PRTFDC1: variants seen among roughly 807,000 people sequenced by gnomAD.
PRTFDC1 encodes the protein phosphoribosyl transferase domain containing 1.
A neutral mutation model predicts 34.6 loss-of-function variants in PRTFDC1; 38 were observed. The ratio of observed to expected loss-of-function variants is 1.10; its 90% confidence interval spans 0.85 to 1.44. PRTFDC1 has a LOEUF of 1.44. PRTFDC1 is among the 40% of genes most tolerant of loss of function. The pLI is 0.00. For missense variants in PRTFDC1, 270 were observed against 283.0 expected, an observed-to-expected ratio of 0.95 and a Z score of 0.33; for synonymous variants, 93 against 98.1, an observed-to-expected ratio of 0.95 and a Z score of 0.31.
At chr10:24,940,556 A>G (rs1849139166) in intron 2 of PRTFDC1, among the ~76,000 whole-genome samples, 1 of 152,350 alleles carries the variant, frequency 6.6e-6, no homozygotes, top group East Asian at 1.9e-4. Context: ...GACAATATTC[A>G]ATGTTGGCAA....
At chr10:24,877,313 C>A (rs571154911) in intron 3 of PRTFDC1, among the ~76,000 whole-genome samples, 1 of 151,878 alleles carries the variant, frequency 6.6e-6, no homozygotes, top group African/African-American at 2.4e-5. Flanking sequence ...GGATTATGGC[C>A]GTGAGCCATC....
At position 24,849,460 on chromosome 10, in the gene PRTFDC1, C is replaced by T. The variant is rs530040495; in HGVS notation, c.*384G>A. ...GCTTCTTAATATTGTAAGCTTATTA[C>T]CAAAATAAGAGTATAAAAAGTTAAG... is the stretch of plus-strand genomic sequence containing the variant. On this transcript the variant is annotated 3_prime_UTR_variant, in exon 9 of 9. Transcript: ENST00000320152. 10 of 161,768 alleles carry T rather than the reference C, an allele frequency of 6.2e-5. No individual in the cohort carries two copies. Among genetic ancestry groups the T allele is most frequent in the Non-Finnish European group, 1.3e-4 (10 of 74,752 alleles). 10.0% of individuals were successfully genotyped at this position (161,768 alleles called of 1,614,324 possible).
chr10:24,911,456 T>C (rs1848625436), intron 3 of PRTFDC1, among the ~76,000 whole-genome samples: 1 of 152,248 alleles, frequency 6.6e-6, no homozygotes, highest in African/African-American at 2.4e-5. Context: ...ACACCATTCA[T>C]GGACGTACCA....
intron 4 of PRTFDC1, among the ~76,000 whole-genome samples, chr10:24,863,999 GCAA>G (rs986775571): frequency 1.4e-4 from 17 of 121,962 alleles, no homozygotes; most frequent in Admixed American, 1.1e-3. Flanking sequence ...CAGCGACAGA[GCAA>G]CAACTCGTCT....
chr10:24,886,931 T>C (rs999879288), intron 3 of PRTFDC1, among the ~76,000 whole-genome samples: 4 of 151,294 alleles, frequency 2.6e-5, no homozygotes, highest in African/African-American at 7.3e-5. Context: ...GTATTTTACA[T>C]CTTTGTATCT....
At chr10:24,934,636 A>G (rs1029073577) in intron 3 of PRTFDC1, among the ~76,000 whole-genome samples, 6 of 152,218 alleles carry the variant, frequency 3.9e-5, no homozygotes, top group South Asian at 4.1e-4. Context: ...CCAATTGCCA[A>G]TCAGAACTTC....
chr10:24,882,840 A>G (rs1346392262), intron 3 of PRTFDC1, among the ~76,000 whole-genome samples: 1 of 150,872 alleles, frequency 6.6e-6, no homozygotes, highest in Non-Finnish European at 1.5e-5. Context: ...TAAAAAAAGT[A>G]AAAAAAAATC....
At chr10:24,885,488 C>T (rs1159887520) in intron 3 of PRTFDC1, among the ~76,000 whole-genome samples, 1 of 152,218 alleles carries the variant, frequency 6.6e-6, no homozygotes, top group East Asian at 1.9e-4. Flanking sequence ...TCACAGCAAC[C>T]TCCGCCTCCC....
chr10:24,908,177 G>GGA, intron 3 of PRTFDC1: 2 of 233,968 alleles, frequency 8.5e-6, no homozygotes, highest in South Asian at 8.9e-5. Flanking sequence ...AGGGCCTGGG[G>GGA]CTACATCATA....
chr10:24,850,265 T>C (rs1286430036), intron 8 of PRTFDC1, among the ~76,000 whole-genome samples: 1 of 152,202 alleles, frequency 6.6e-6, no homozygotes, highest in Non-Finnish European at 1.5e-5. Context: ...CAACCCTTTT[T>C]GGGCAACAAG....
At chr10:24,898,296 A>AAAC (rs1394989358) in intron 3 of PRTFDC1, among the ~76,000 whole-genome samples, 2 of 150,690 alleles carry the variant, frequency 1.3e-5, no homozygotes, top group Admixed American at 6.6e-5. Context: ...CAAAAAAAAA[A>AAAC]AAAAAAAAAA....
Position 24,952,511 on chromosome 10 carries a change from A to G in PRTFDC1, c.48+17T>C, listed in dbSNP as rs1403120551. 17 of 1,581,260 alleles carry G rather than the reference A, an allele frequency of 1.1e-5. No individual in the cohort carries two copies. Among genetic ancestry groups the G allele is most frequent in the Non-Finnish European group, 1.4e-5 (16 of 1,162,898 alleles). ...AGGGGAGCGGGCCGAGCCCCAAAAT[A>G]GGGAGTTTGCATTTACCACGACGCC... On this transcript the variant is annotated intron_variant, in intron 1 of 8. Transcript: ENST00000320152. This position sits in a 1 kb window ranked among gnomAD's most constrained non-coding sequence, Gnocchi z 5.1.
At chr10:24,923,043 T>G (rs550780578) in intron 3 of PRTFDC1, among the ~76,000 whole-genome samples, 1 of 152,346 alleles carries the variant, frequency 6.6e-6, no homozygotes, top group Admixed American at 6.5e-5. Flanking sequence ...CCTTGCTCAC[T>G]GCTAGCACAG....
intron 3 of PRTFDC1, among the ~76,000 whole-genome samples, chr10:24,923,099 T>C (rs886880729): frequency 4.6e-5 from 7 of 151,714 alleles, no homozygotes; most frequent in African/African-American, 1.7e-4. Flanking sequence ...AGTGGGAGGG[T>C]CGTCCACCAT....
chr10:24,925,569 G>A (rs991573697), intron 3 of PRTFDC1, among the ~76,000 whole-genome samples: 4 of 152,082 alleles, frequency 2.6e-5, no homozygotes, highest in Admixed American at 1.3e-4. Flanking sequence ...CATATTTTTT[G>A]TATATATACA....
Position 24,859,466 on chromosome 10 carries a change from G to T in PRTFDC1, c.406-1057C>A, listed in dbSNP as rs150208174. Among the ~76,000 whole-genome samples the T allele has an allele frequency of 7.0e-4, 106 of 152,238 alleles. 2 individuals carry two copies. The East Asian group carries it at 0.019, about 27-fold the overall frequency. ...GTAGAGATGGAGTTTTACCATGTTG[G>T]CCAGGCTGAGCTCAAGTGATCTGCC... On this transcript the variant is annotated intron_variant, in intron 4 of 8. Transcript: ENST00000320152.
chr10:24,937,874 AAAG>A (rs1188249473), intron 2 of PRTFDC1, among the ~76,000 whole-genome samples: 1 of 152,064 alleles, frequency 6.6e-6, no homozygotes, highest in Non-Finnish European at 1.5e-5. Flanking sequence ...ACTGAATTCT[AAAG>A]AAGACACACG....
intron 3 of PRTFDC1, among the ~76,000 whole-genome samples, chr10:24,933,691 CA>C (rs1588621548): frequency 7.7e-6 from 1 of 129,410 alleles, no homozygotes; most frequent in African/African-American, 2.6e-5. Context: ...AAGAGTTTGG[CA>C]ATTTTTTTTT....
intron 3 of PRTFDC1, among the ~76,000 whole-genome samples, chr10:24,913,789 G>A (rs1007395320): frequency 1.3e-5 from 2 of 152,064 alleles, no homozygotes; most frequent in African/African-American, 4.8e-5. Context: ...TATAAGTAAA[G>A]GTCAGGAAAC....
Sources: gnomAD v4.1 joint callset for allele counts (sites outside exome capture counted in the v4.1 genomes callset) on GRCh38, gnomAD v4.1.1 for gene constraint, Gnocchi (gnomAD v3.1) non-coding constraint, MANE v1.5 for transcripts, NCBI Gene and HGNC (gene_info 2026-07-23, HGNC 2026-07-21) for gene names.